Variants in HNRNPC observed in about 807,000 individuals in gnomAD.
HNRNPC encodes heterogeneous nuclear ribonucleoprotein C.
In HNRNPC, 3 loss-of-function variants were observed where a neutral mutation model predicts 33.2. The ratio of observed to expected loss-of-function variants is 0.09; its 90% CI spans 0.04 to 0.23. The LOEUF is 0.23. HNRNPC is among the 10% of genes least tolerant of loss of function. The pLI is 1.00. For missense variants in HNRNPC, 143 were observed against 366.7 expected (o/e 0.39, Z 4.98); for synonymous variants, 121 against 126.7 (o/e 0.96, Z 0.30).
intron 5 of HNRNPC, among the ~76,000 whole-genome samples, chr14:21,224,930 A>ATAT (rs1293676814): frequency 6.6e-6 from 1 of 152,132 alleles, no homozygotes; most frequent in Non-Finnish European, 1.5e-5. Context: ...CTCGTTACTT[A>ATAT]TATACTGTAT....
In HNRNPC at chr14:21,221,653, T is replaced by A. The variant is rs796347671; in HGVS notation, c.366-8536A>T. ...AAAATTTTCTAACAGTATCAGATGT[T>A]GTACTCAGAGTCTTGTTTCCAGAAT... On this transcript the variant is annotated intron_variant, in intron 5 of 8. Coordinates refer to ENST00000553300, the MANE Select transcript of HNRNPC (RefSeq NM_004500.4). Among the ~76,000 whole-genome samples, 3 of 152,230 alleles carry A rather than the reference T, an allele frequency of 2.0e-5. No individual in the cohort carries two copies. In the South Asian group the frequency reaches 6.2e-4, roughly 31 times the overall value.
intron 2 of HNRNPC, among the ~76,000 whole-genome samples, chr14:21,239,245 C>T (rs1048144466): frequency 4.0e-5 from 6 of 151,646 alleles, no homozygotes; most frequent in African/African-American, 1.5e-4. Context: ...TTTGGGAGGC[C>T]GAGGCAGGTG....
chr14:21,267,773 C>T (rs910069591), intron 1 of HNRNPC, among the ~76,000 whole-genome samples: 5 of 152,150 alleles, frequency 3.3e-5, no homozygotes, highest in South Asian at 2.1e-4. Flanking sequence ...AAGAAAAGTG[C>T]CCGTCAATCA....
chr14:21,238,103 T>C (rs1341688212), intron 2 of HNRNPC, among the ~76,000 whole-genome samples: 1 of 152,224 alleles, frequency 6.6e-6, no homozygotes, highest in Non-Finnish European at 1.5e-5. Context: ...TTACTCCCTT[T>C]ACATCTGGAA....
At chr14:21,259,716 C>T (rs1368303565) in intron 2 of HNRNPC, among the ~76,000 whole-genome samples, 1 of 152,024 alleles carries the variant, frequency 6.6e-6, no homozygotes, top group Non-Finnish European at 1.5e-5. Context: ...CAAGCCAGGT[C>T]GTTATTCTTT....
intron 2 of HNRNPC, among the ~76,000 whole-genome samples, chr14:21,260,174 TG>T (rs1231113268): frequency 7.6e-6 from 1 of 131,850 alleles, no homozygotes; most frequent in African/African-American, 3.0e-5. Flanking sequence ...CACTCCAGCC[TG>T]GGCAACAGAA....
intron 5 of HNRNPC, among the ~76,000 whole-genome samples, chr14:21,227,076 G>T (rs1003074071): frequency 1.3e-5 from 2 of 152,060 alleles, no homozygotes; most frequent in East Asian, 3.9e-4. Context: ...TGACTTCTTA[G>T]AAGATATTAA....
At chr14:21,244,255 T>C (rs1194872261) in intron 2 of HNRNPC, among the ~76,000 whole-genome samples, 5 of 152,228 alleles carry the variant, frequency 3.3e-5, no homozygotes, top group African/African-American at 1.2e-4. Context: ...GACCTCCACG[T>C]TCCAAAAGTG....
At chr14:21,261,289 A>T (rs1439891198) in intron 2 of HNRNPC, among the ~76,000 whole-genome samples, 2 of 152,224 alleles carry the variant, frequency 1.3e-5, no homozygotes, top group African/African-American at 4.8e-5. Flanking sequence ...AAAAATAATA[A>T]ATTTGTAGAA....
chr14:21,257,967 T>C (rs968999044), intron 2 of HNRNPC, among the ~76,000 whole-genome samples: 2 of 152,180 alleles, frequency 1.3e-5, no homozygotes, highest in Admixed American at 6.5e-5. Context: ...ACCTTGCACA[T>C]ATACACATCT....
intron 5 of HNRNPC, among the ~76,000 whole-genome samples, chr14:21,229,393 G>A (rs1327702929): frequency 1.3e-5 from 2 of 151,692 alleles, no homozygotes; most frequent in Non-Finnish European, 2.9e-5. Context: ...AAAAATCTGA[G>A]GAAACCGCTA....
In HNRNPC at chr14:21,269,406, C is replaced by T. The variant is rs1879578697; in HGVS notation, c.-171G>A. The T allele has an allele frequency of 6.4e-6, 1 of 155,174 alleles. No individual in the cohort carries two copies. Among genetic ancestry groups the T allele is most frequent in the African/African-American group, 2.4e-5 (1 of 41,536 alleles). The allele number at this position is 155,174 out of a possible 1,614,324, so 9.6% of individuals were successfully genotyped here. A position where few individuals can be genotyped will look rare whatever the true frequency, so the allele number is the denominator to read the frequency against. ...GGCAACGCGGCCACAACCGCTCAGT[C>T]TTCGTCTCTTCACAAAATGGCCCCC... is the stretch of plus-strand genomic sequence containing the variant. On this transcript the variant is annotated 5_prime_UTR_variant, in exon 1 of 9. Transcript: ENST00000553300.
intron 2 of HNRNPC, among the ~76,000 whole-genome samples, chr14:21,240,088 G>C (rs1041430237): frequency 2.0e-5 from 3 of 152,040 alleles, no homozygotes; most frequent in African/African-American, 7.3e-5. Flanking sequence ...AAAAATCTGT[G>C]TTTTTGTCTG....
In HNRNPC at chr14:21,234,210, G is replaced by A; in HGVS notation, c.-17C>T. 6.2e-7 allele frequency: 1 copy of A among 1,610,936 alleles called. No homozygotes were observed. Among genetic ancestry groups the A allele is most frequent in the Non-Finnish European group, 8.5e-7 (1 of 1,178,092 alleles). On this transcript the variant is annotated 5_prime_UTR_variant, in exon 3 of 9. Coordinates refer to ENST00000553300, the MANE Select transcript of HNRNPC (RefSeq NM_004500.4). ...GCTGGCCATCGTGTTTGATGGTAAGGTTTCTCACAAAGCCGAAAACTGTAA... is the reference window on the plus strand; with the variant it reads ...GCTGGCCATCGTGTTTGATGGTAAGATTTCTCACAAAGCCGAAAACTGTAA...
At chr14:21,249,977 C>A (rs148805947) in intron 2 of HNRNPC, among the ~76,000 whole-genome samples, 407 of 152,096 alleles carry the variant, frequency 2.7e-3, no homozygotes, top group African/African-American at 9.4e-3. Flanking sequence ...AGAGAATATG[C>A]AATATGCAAA....
In HNRNPC at chr14:21,249,286, T is replaced by C. The variant is rs147508652; in HGVS notation, c.-37+14025A>G. Among the ~76,000 whole-genome samples, 1,211 of 151,918 alleles carry C rather than the reference T, an allele frequency of 8.0e-3. 19 individuals are homozygous for C. Among genetic ancestry groups the C allele is most frequent in the African/African-American group, 0.028 (1,154 of 41,414 alleles). Reference sequence around the variant, plus strand: ...TTCAGAACTAAACAGAATCAAGGAATTGGGGCTGGGCGCAGTGGCTCACGC... The same window carrying C: ...TTCAGAACTAAACAGAATCAAGGAACTGGGGCTGGGCGCAGTGGCTCACGC... On this transcript the variant is annotated intron_variant, in intron 2 of 8. Transcript: ENST00000553300.
At chr14:21,227,883 A>G (rs1893660391) in intron 5 of HNRNPC, among the ~76,000 whole-genome samples, 1 of 152,274 alleles carries the variant, frequency 6.6e-6, no homozygotes, top group Non-Finnish European at 1.5e-5. Context: ...CAAAAGTGTG[A>G]GTTTATTAAA....
In HNRNPC at chr14:21,269,303, A is replaced by T. The variant is rs1879558141; in HGVS notation, c.-68T>A. ...CGTCCGCCCTCTCCACTTACCAAGA[A>T]GGGGAGGGAGAAGAGATTCGATTCT... On this transcript the variant is annotated 5_prime_UTR_variant, in exon 1 of 9. Transcript: ENST00000553300. 1.3e-5 allele frequency: 2 copies of T among 153,070 alleles called. No homozygotes were observed. The highest frequency in any genetic ancestry group is 2.9e-5 in the Non-Finnish European group (2 of 68,064). 9.5% of individuals were successfully genotyped at this position (153,070 alleles called of 1,614,324 possible). A position where few individuals can be genotyped will look rare whatever the true frequency, so the allele number is the denominator to read the frequency against.
At chr14:21,215,806 G>A (rs1402756276) in intron 5 of HNRNPC, among the ~76,000 whole-genome samples, 2 of 150,572 alleles carry the variant, frequency 1.3e-5, no homozygotes, top group Non-Finnish European at 1.5e-5. Flanking sequence ...GGCTGAGGCA[G>A]AAGAATTGCT....
Sources: allele counts gnomAD v4.1 joint callset (sites outside exome capture counted in the v4.1 genomes callset), GRCh38; gene constraint gnomAD v4.1.1; transcripts MANE v1.5; gene names NCBI Gene and HGNC (gene_info 2026-07-23, HGNC 2026-07-21).